The following ARHGEF7 variants were observed in gnomAD, a reference collection of about 807,000 sequenced individuals.
The protein encoded by ARHGEF7 is Rho guanine nucleotide exchange factor 7.
Under a neutral mutation model 109.8 loss-of-function variants are expected in ARHGEF7, and 33 were observed. The ratio of observed to expected loss-of-function variants is 0.30; its 90% confidence interval spans 0.23 to 0.40. The LOEUF is 0.40. Ranked by LOEUF, ARHGEF7 falls within the 10% of genes least tolerant of loss-of-function variation. ARHGEF7 has a pLI of 1.00. For missense variants in ARHGEF7, 938 were observed against 1,098.5 expected, an observed-to-expected ratio of 0.85 and a Z score of 2.07; for synonymous variants, 458 against 424.6, an observed-to-expected ratio of 1.08 and a Z score of -0.97.
chr13:111,151,536 C>T (rs1009033397), intron 1 of ARHGEF7, among the ~76,000 whole-genome samples: 3 of 152,196 alleles, frequency 2.0e-5, no homozygotes, highest in Non-Finnish European at 4.4e-5. Context: ...ATTTTAGCTG[C>T]TTTTCCATCT....
At chr13:111,222,675 T>G (rs1022541930) in intron 5 of ARHGEF7, among the ~76,000 whole-genome samples, 3 of 152,210 alleles carry the variant, frequency 2.0e-5, no homozygotes, top group Admixed American at 6.5e-5. Context: ...GTGATCCACC[T>G]GCCTCAGCCT....
chr13:111,287,504 G>A (rs1429977403), intron 17 of ARHGEF7, among the ~76,000 whole-genome samples: 1 of 152,248 alleles, frequency 6.6e-6, no homozygotes, highest in Non-Finnish European at 1.5e-5. Context: ...TGTTCTCATA[G>A]AGCCTATGTT....
intron 8 of ARHGEF7, among the ~76,000 whole-genome samples, chr13:111,251,483 A>G (rs368550417): frequency 6.7e-4 from 102 of 152,288 alleles, no homozygotes; most frequent in African/African-American, 2.4e-3. Flanking sequence ...AAGGAACCGT[A>G]TGCTCTGTGA....
At chr13:111,282,205 C>T (rs979585499) in intron 15 of ARHGEF7, among the ~76,000 whole-genome samples, 1 of 119,418 alleles carries the variant, frequency 8.4e-6, no homozygotes, top group African/African-American at 3.1e-5. Context: ...CCGTCCCTCT[C>T]AGCCTGTGTT....
chr13:111,207,847 T>C (rs148966367), intron 3 of ARHGEF7, among the ~76,000 whole-genome samples: 134 of 152,344 alleles, frequency 8.8e-4, no homozygotes, highest in African/African-American at 3.1e-3. Flanking sequence ...TATATGTTCT[T>C]GGTATCATTG....
chr13:111,152,445 C>T (rs542027382), intron 1 of ARHGEF7, among the ~76,000 whole-genome samples: 1 of 152,126 alleles, frequency 6.6e-6, no homozygotes, highest in African/African-American at 2.4e-5. Flanking sequence ...TTTTGCCATT[C>T]CACTGAAAAA....
rs376852274 is a variant in ARHGEF7 at position 111,273,785 on chromosome 13, G to A, written c.1074-29G>A. On this transcript the variant is annotated intron_variant, in intron 9 of 21. Transcript: ENST00000646102. The surrounding 1 kb of genome is among the most constrained non-coding windows in gnomAD (Gnocchi z 4.5). ...ACCATTGTCTCTCATTGCTAACCAC[G>A]AGTGTCTCTCTTGCCACTTGCTGCC... 2.1e-5 allele frequency: 34 copies of A among 1,612,638 alleles called. No individual in the cohort carries two copies. The highest frequency in any genetic ancestry group is 6.7e-5 in the East Asian group (3 of 44,808).
chr13:111,288,569 A>AAACATCACTCAC, intron 18 of ARHGEF7, 126 bp downstream of exon 18: 1 of 554,676 alleles, frequency 1.8e-6, no homozygotes, highest in Non-Finnish European at 3.0e-6. Flanking sequence ...CCAGTGAGTG[A>AAACATCACTCAC]TGTTTCAGTC....
At chr13:111,259,627 T>C (rs1443976020) in intron 8 of ARHGEF7, among the ~76,000 whole-genome samples, 1 of 152,208 alleles carries the variant, frequency 6.6e-6, no homozygotes, top group Non-Finnish European at 1.5e-5. Context: ...CTTTGAATAC[T>C]GGAAAGCCTT....
chr13:111,121,595 C>A (rs556785136), intron 1 of ARHGEF7, among the ~76,000 whole-genome samples: 1 of 152,324 alleles, frequency 6.6e-6, no homozygotes, highest in East Asian at 1.9e-4. Context: ...TTGACGCCCA[C>A]GCGTCTCTCA....
chr13:111,210,505 A>C (rs1190215610), intron 4 of ARHGEF7, among the ~76,000 whole-genome samples: 1 of 152,248 alleles, frequency 6.6e-6, no homozygotes, highest in Non-Finnish European at 1.5e-5. Context: ...ATTGGGACGC[A>C]GAGAAAGAAA....
At chr13:111,289,240 G>A (rs2093164709) in intron 18 of ARHGEF7, among the ~76,000 whole-genome samples, 1 of 152,148 alleles carries the variant, frequency 6.6e-6, no homozygotes, top group Non-Finnish European at 1.5e-5. Context: ...CACCCTTTGG[G>A]CCAGGCTGGT....
intron 15 of ARHGEF7, chr13:111,282,806 T>C (rs1229982066): frequency 2.6e-6 from 1 of 389,838 alleles, no homozygotes; most frequent in Non-Finnish European, 4.6e-6. Context: ...ATCTTTTTAC[T>C]AGATGAAGTA....
chr13:111,242,146 C>T (rs924928417), intron 6 of ARHGEF7, among the ~76,000 whole-genome samples: 3 of 152,170 alleles, frequency 2.0e-5, no homozygotes, highest in South Asian at 2.1e-4. Context: ...GGCTCTCCCA[C>T]GGTCGTCTCC....
intron 8 of ARHGEF7, among the ~76,000 whole-genome samples, chr13:111,245,391 G>A (rs2088636169): frequency 6.6e-6 from 1 of 152,110 alleles, no homozygotes. Flanking sequence ...GTTCATTGTT[G>A]TGTAGAATAA....
chr13:111,183,891 C>T (rs902666164), intron 2 of ARHGEF7, among the ~76,000 whole-genome samples: 6 of 152,174 alleles, frequency 3.9e-5, no homozygotes, highest in Admixed American at 2.6e-4. Flanking sequence ...TAAGTCTCCA[C>T]CAGGACTTGT....
At position 111,265,105 on chromosome 13, in the gene ARHGEF7, C is replaced by G. The variant is rs1015718981; in HGVS notation, c.951-2443C>G. 3.9e-4 allele frequency among the ~76,000 whole-genome samples: 28 copies of G among 71,596 alleles called. No homozygotes were observed. The East Asian group carries it at 0.013, about 32-fold the overall frequency. The allele number at this position is 71,596 out of a possible 152,430, so 47.0% of individuals were successfully genotyped here. A position where few individuals can be genotyped will look rare whatever the true frequency, so the allele number is the denominator to read the frequency against. ...TGCCATTACACTCCAGCCTGGGTAACAAGAGAGAAACTCCATCTCAAAAAA... is the reference window on the plus strand; with the variant it reads ...TGCCATTACACTCCAGCCTGGGTAAGAAGAGAGAAACTCCATCTCAAAAAA... On this transcript the variant is annotated intron_variant, in intron 8 of 21. Coordinates refer to ENST00000646102, the MANE Select transcript of ARHGEF7 (RefSeq NM_001354046.2).
At chr13:111,246,567 G>A (rs1214072265) in intron 8 of ARHGEF7, among the ~76,000 whole-genome samples, 4 of 152,218 alleles carry the variant, frequency 2.6e-5, no homozygotes, top group Admixed American at 2.6e-4. Context: ...GAAACCGTAA[G>A]TGAATATTCT....
intron 2 of ARHGEF7, among the ~76,000 whole-genome samples, chr13:111,203,770 C>CT (rs1268142722): frequency 1.3e-5 from 2 of 152,192 alleles, no homozygotes; most frequent in African/African-American, 4.8e-5. Flanking sequence ...AAATTATAGA[C>CT]AGAAGGCCTT....
Sources: gnomAD v4.1 joint callset for allele counts (sites outside exome capture counted in the v4.1 genomes callset) on GRCh38, gnomAD v4.1.1 for gene constraint, Gnocchi (gnomAD v3.1) non-coding constraint, MANE v1.5 for transcripts, NCBI Gene and HGNC (gene_info 2026-07-23, HGNC 2026-07-21) for gene names.